PDE4D: variants seen among roughly 807,000 people sequenced by gnomAD.
PDE4D encodes the protein 3',5'-cyclic-AMP phosphodiesterase 4D.
PDE4D carries 24 observed loss-of-function variants against 87.4 expected under a neutral mutation model. The observed-to-expected ratio is 0.27, with a 90% confidence interval of 0.20 to 0.39. The LOEUF (loss-of-function observed/expected upper bound fraction) is 0.39, where lower values mean the gene tolerates loss of function less well. Among genes scored for constraint, PDE4D ranks in the 10% least tolerant of loss-of-function variants. The pLI is 1.00. For synonymous variants in PDE4D, 384 were observed against 383.2 expected (o/e 1.00, Z -0.02); for missense variants, 714 against 1,041.0 (o/e 0.69, Z 4.32).
At chr5:59,618,244 C>T (rs1829941433) in intron 1 of PDE4D, among the ~76,000 whole-genome samples, 1 of 151,992 alleles carries the variant, frequency 6.6e-6, no homozygotes, top group Admixed American at 6.6e-5. Flanking sequence ...AGGCAGACAT[C>T]CTTTTAAAAG....
At chr5:59,506,234 A>G (rs1809237448) in intron 1 of PDE4D, among the ~76,000 whole-genome samples, 1 of 152,168 alleles carries the variant, frequency 6.6e-6, no homozygotes, top group African/African-American at 2.4e-5. Flanking sequence ...TCAAGACTTC[A>G]TTTTTTAGAG....
chr5:59,708,900 T>A (rs1232693210), intron 1 of PDE4D, among the ~76,000 whole-genome samples: 3 of 150,190 alleles, frequency 2.0e-5, no homozygotes, highest in African/African-American at 5.0e-5. Context: ...TAATTTCTCA[T>A]CTGGCTTTTT....
chr5:59,267,907 C>G (rs1763113001), intron 1 of PDE4D, among the ~76,000 whole-genome samples: 1 of 151,968 alleles, frequency 6.6e-6, no homozygotes, highest in African/African-American at 2.4e-5. Context: ...TACCCTATGG[C>G]AGAAATTCTT....
chr5:59,947,679 C>G lies in PDE4D; in HGVS notation c.272+40809G>C, dbSNP rs191244126. Among the ~76,000 whole-genome samples the G allele has an allele frequency of 3.9e-4, 60 of 152,256 alleles. 1 individual carries two copies. The Middle Eastern group carries it at 0.01, about 26-fold the overall frequency. ...TTTCAAAGGCATATTTAAGAGGAAG[C>G]TTGTTTAGGCAACTGATTTACAAGG... On this transcript the variant is annotated intron_variant, in intron 3 of 16. Transcript: ENST00000502484.
intron 6 of PDE4D, among the ~76,000 whole-genome samples, chr5:59,001,010 T>G (rs74873325): frequency 6.6e-6 from 1 of 152,124 alleles, no homozygotes; most frequent in African/African-American, 2.4e-5. Context: ...TTTTAATAAC[T>G]GTACACAAAG....
chr5:59,291,801 A>G (rs1768088323), intron 1 of PDE4D, among the ~76,000 whole-genome samples: 1 of 146,046 alleles, frequency 6.8e-6, no homozygotes, highest in South Asian at 2.1e-4. Flanking sequence ...AGACTTAACT[A>G]TTTAACCTGA....
chr5:59,138,564 A>G (rs1777463653), intron 5 of PDE4D, among the ~76,000 whole-genome samples: 1 of 152,176 alleles, frequency 6.6e-6, no homozygotes, highest in African/African-American at 2.4e-5. Context: ...AAGACTTCCT[A>G]CAGAAAGACA....
intron 5 of PDE4D, among the ~76,000 whole-genome samples, chr5:59,161,237 A>G (rs953019151): frequency 2.6e-5 from 4 of 152,218 alleles, no homozygotes; most frequent in African/African-American, 9.6e-5. Context: ...GTGGTCCTGA[A>G]GACATGTGCC....
chr5:59,836,000 T>G (rs1179111902), intron 1 of PDE4D, among the ~76,000 whole-genome samples: 1 of 152,066 alleles, frequency 6.6e-6, no homozygotes, highest in Non-Finnish European at 1.5e-5. Context: ...CTTATCTCTG[T>G]TTCAGATACC....
chr5:59,294,271 C>T (rs1222125073), intron 1 of PDE4D, among the ~76,000 whole-genome samples: 1 of 152,038 alleles, frequency 6.6e-6, no homozygotes, highest in African/African-American at 2.4e-5. Flanking sequence ...TTAGCAGGGC[C>T]ACTGCATCTC....
chr5:59,924,420 C>A (rs1269404127), intron 3 of PDE4D, among the ~76,000 whole-genome samples: 1 of 151,990 alleles, frequency 6.6e-6, no homozygotes, highest in Non-Finnish European at 1.5e-5. Context: ...AAGAAGACTA[C>A]CTCAAGGCAT....
At chr5:60,407,731 G>A (rs575936137) in intron 1 of PDE4D, among the ~76,000 whole-genome samples, 5 of 152,006 alleles carry the variant, frequency 3.3e-5, no homozygotes, top group Middle Eastern at 6.8e-3. Context: ...GAGATTACAG[G>A]CGTGAGCCAC....
intron 1 of PDE4D, among the ~76,000 whole-genome samples, chr5:60,365,802 G>C (rs1458113038): frequency 2.0e-5 from 3 of 152,044 alleles, no homozygotes; most frequent in Non-Finnish European, 4.4e-5. Context: ...TCAGCATTTT[G>C]GGAGGCTGAG....
Position 60,194,099 on chromosome 5 carries a change from C to A in PDE4D, c.-89-8412G>T, listed in dbSNP as rs1023580158. On this transcript the variant is annotated intron_variant, in intron 1 of 16. Transcript: ENST00000502484. ...ATCCTTATAACCCTATGTTCTCCCT[C>A]CTCAAGATATCATTCTCTTTCTCTT... 5.3e-5 allele frequency among the ~76,000 whole-genome samples: 8 copies of A among 151,604 alleles called. 1 individual carries two copies. Among genetic ancestry groups the A allele is most frequent in the Non-Finnish European group, 1.0e-4 (7 of 67,760 alleles).
intron 6 of PDE4D, among the ~76,000 whole-genome samples, chr5:59,010,403 T>G (rs1170148863): frequency 6.6e-6 from 1 of 152,166 alleles, no homozygotes; most frequent in Non-Finnish European, 1.5e-5. Context: ...ATTTTATTTT[T>G]TTTTAATTCT....
At chr5:59,861,120 C>G (rs1746217854) in intron 1 of PDE4D, among the ~76,000 whole-genome samples, 1 of 152,000 alleles carries the variant, frequency 6.6e-6, no homozygotes, top group Non-Finnish European at 1.5e-5. Flanking sequence ...ATCCACCCGC[C>G]TCAGCCTCCC....
intron 2 of PDE4D, among the ~76,000 whole-genome samples, chr5:60,002,973 C>T (rs1314024497): frequency 6.6e-6 from 1 of 152,086 alleles, no homozygotes; most frequent in Non-Finnish European, 1.5e-5. Context: ...ATTAGATTTG[C>T]AGATGACATT....
chr5:59,568,708 A>G (rs947501471), intron 1 of PDE4D, among the ~76,000 whole-genome samples: 4 of 152,144 alleles, frequency 2.6e-5, no homozygotes, highest in Non-Finnish European at 5.9e-5. Flanking sequence ...GACATTCTAC[A>G]AAATACCTAA....
chr5:59,588,938 A>C (rs1042677461), intron 1 of PDE4D, among the ~76,000 whole-genome samples: 2 of 152,226 alleles, frequency 1.3e-5, no homozygotes, highest in African/African-American at 2.4e-5. Context: ...TTTTGAATCA[A>C]GTAATTAAAA....
Sources: gnomAD v4.1 joint callset for allele counts (sites outside exome capture counted in the v4.1 genomes callset) on GRCh38, gnomAD v4.1.1 for gene constraint, MANE v1.5 for transcripts, NCBI Gene and HGNC (gene_info 2026-07-23, HGNC 2026-07-21) for gene names.